EPHA3: variants seen among roughly 807,000 people sequenced by gnomAD.
EPHA3 encodes ephrin type-A receptor 3.
EPHA3 carries 42 observed loss-of-function variants against 107.1 expected under a neutral mutation model. The ratio of observed to expected loss-of-function variants is 0.39; its 90% CI spans 0.31 to 0.51. The LOEUF (loss-of-function observed/expected upper bound fraction) is 0.51. Among genes scored for constraint, EPHA3 ranks in the 20% least tolerant of loss-of-function variants. The pLI, the probability that EPHA3 is intolerant of heterozygous loss-of-function variation, is 0.78. For missense variants in EPHA3, 1,183 were observed against 1,211.2 expected (o/e 0.98, Z 0.35); for synonymous variants, 461 against 424.8 (o/e 1.09, Z -1.05).
intron 3 of EPHA3, among the ~76,000 whole-genome samples, chr3:89,260,069 C>T (rs1705379350): frequency 6.6e-6 from 1 of 152,078 alleles, no homozygotes; most frequent in African/African-American, 2.4e-5. Context: ...TTTCTTTATC[C>T]TTTCTTCTGT....
intron 3 of EPHA3, among the ~76,000 whole-genome samples, chr3:89,334,111 G>C (rs1393608129): frequency 1.3e-5 from 2 of 152,120 alleles, no homozygotes; most frequent in Non-Finnish European, 2.9e-5. Context: ...TAAAATGTGG[G>C]AAGGGGATGA....
At chr3:89,160,994 A>G (rs1362931454) in intron 2 of EPHA3, among the ~76,000 whole-genome samples, 1 of 152,196 alleles carries the variant, frequency 6.6e-6, no homozygotes, top group Non-Finnish European at 1.5e-5. Flanking sequence ...AAATTTAACG[A>G]AATTATTAAT....
chr3:89,238,373 T>G (rs1704821319), intron 3 of EPHA3, among the ~76,000 whole-genome samples: 1 of 152,206 alleles, frequency 6.6e-6, no homozygotes, highest in Non-Finnish European at 1.5e-5. Context: ...TTAAAAAATT[T>G]TATTTTGCTA....
At chr3:89,257,830 C>T (rs1254927845) in intron 3 of EPHA3, among the ~76,000 whole-genome samples, 1 of 151,688 alleles carries the variant, frequency 6.6e-6, no homozygotes, top group Non-Finnish European at 1.5e-5. Context: ...ATTTCACCAA[C>T]CAATGTAATA....
At chr3:89,272,464 G>T (rs975148618) in intron 3 of EPHA3, among the ~76,000 whole-genome samples, 1 of 151,908 alleles carries the variant, frequency 6.6e-6, no homozygotes, top group African/African-American at 2.4e-5. Flanking sequence ...ATGATGCAGT[G>T]TATTTCAACT....
chr3:89,144,456 T>C (rs1417757676), intron 2 of EPHA3, among the ~76,000 whole-genome samples: 1 of 151,780 alleles, frequency 6.6e-6, no homozygotes, highest in Admixed American at 6.6e-5. Flanking sequence ...CTTGTGTGCC[T>C]TCCATTTTGT....
intron 1 of EPHA3, among the ~76,000 whole-genome samples, chr3:89,121,053 C>G (rs771495524): frequency 2.0e-5 from 3 of 151,744 alleles, no homozygotes; most frequent in Admixed American, 2.0e-4. Context: ...TCCTGACTAA[C>G]GCGGTGAAAC....
At chr3:89,134,548 C>T (rs1347187295) in intron 2 of EPHA3, among the ~76,000 whole-genome samples, 1 of 152,128 alleles carries the variant, frequency 6.6e-6, no homozygotes, top group African/African-American at 2.4e-5. Flanking sequence ...GACATGAACT[C>T]ATCATTTTTT....
In EPHA3 at chr3:89,481,919, AACTC is replaced by A. The variant is rs1277899044; in HGVS notation, c.*2423_*2426del. ...TTTACATATATTATTTATTTCTGGT[AACTC>A]ACTCAGTTTATGCTGTGCTAAATAT... On this transcript the variant is annotated 3_prime_UTR_variant, in exon 17 of 17. Transcript: ENST00000336596. 4.8e-5 allele frequency: 11 copies of A among 227,394 alleles called. No homozygotes were observed. The highest frequency in any genetic ancestry group is 7.0e-5 in the Non-Finnish European group (8 of 114,100). 14.1% of individuals were successfully genotyped at this position (227,394 alleles called of 1,614,324 possible).
intron 2 of EPHA3, among the ~76,000 whole-genome samples, chr3:89,158,750 T>C (rs2107064257): frequency 6.6e-6 from 1 of 152,204 alleles, no homozygotes; most frequent in Non-Finnish European, 1.5e-5. Context: ...AGGACCCCAA[T>C]GTGCTAAGGA....
At chr3:89,388,534 G>A (rs1429015240) in intron 5 of EPHA3, among the ~76,000 whole-genome samples, 1 of 152,096 alleles carries the variant, frequency 6.6e-6, no homozygotes, top group African/African-American at 2.4e-5. Context: ...TTTCCAGGTG[G>A]AAAAGAGAGA....
At chr3:89,420,866 T>C (rs1576369356) in intron 11 of EPHA3, among the ~76,000 whole-genome samples, 1 of 151,622 alleles carries the variant, frequency 6.6e-6, no homozygotes, top group Admixed American at 6.6e-5. Flanking sequence ...AGTTTTTCAT[T>C]ATGAAGTATC....
chr3:89,109,374 T>G (rs545758060), intron 1 of EPHA3, among the ~76,000 whole-genome samples: 1 of 152,148 alleles, frequency 6.6e-6, no homozygotes, highest in African/African-American at 2.4e-5. Flanking sequence ...TAAATTAAAC[T>G]TAATGTTTTA....
intron 10 of EPHA3, among the ~76,000 whole-genome samples, chr3:89,413,988 A>C (rs1709202164): frequency 6.6e-6 from 1 of 151,678 alleles, no homozygotes; most frequent in Non-Finnish European, 1.5e-5. Context: ...CTACTATTCA[A>C]AAGTAAAAAT....
intron 3 of EPHA3, among the ~76,000 whole-genome samples, chr3:89,241,522 T>G (rs1441243047): frequency 6.6e-6 from 1 of 152,230 alleles, no homozygotes; most frequent in Non-Finnish European, 1.5e-5. Flanking sequence ...TTATACCTGC[T>G]TATTAATTCC....
At chr3:89,176,621 C>T (rs1012333348) in intron 2 of EPHA3, among the ~76,000 whole-genome samples, 1 of 151,850 alleles carries the variant, frequency 6.6e-6, no homozygotes, top group African/African-American at 2.4e-5. Context: ...ATACATGTCT[C>T]ACAGAGTTGC....
chr3:89,384,412 C>T (rs992387451), intron 5 of EPHA3, among the ~76,000 whole-genome samples: 6 of 152,128 alleles, frequency 3.9e-5, no homozygotes, highest in African/African-American at 1.4e-4. Flanking sequence ...AAGACAGAAA[C>T]TTAACTGAAT....
intron 2 of EPHA3, among the ~76,000 whole-genome samples, chr3:89,146,357 C>T (rs1704558653): frequency 6.6e-6 from 1 of 151,370 alleles, no homozygotes; most frequent in South Asian, 2.1e-4. Flanking sequence ...TTCAGATAGG[C>T]CAAAAAAAAG....
intron 3 of EPHA3, among the ~76,000 whole-genome samples, chr3:89,319,495 A>G (rs1706990672): frequency 6.6e-6 from 1 of 151,988 alleles, no homozygotes; most frequent in African/African-American, 2.4e-5. Context: ...ACAATACACT[A>G]TACTAAAATA....
Sources: gnomAD v4.1 joint callset for allele counts (sites outside exome capture counted in the v4.1 genomes callset) on GRCh38, gnomAD v4.1.1 for gene constraint, MANE v1.5 for transcripts, NCBI Gene and HGNC (gene_info 2026-07-23, HGNC 2026-07-21) for gene names.